The following PAK1 variants were observed in gnomAD, a reference collection of about 807,000 sequenced individuals.
PAK1 encodes p21 (RAC1) activated kinase 1, also known as serine/threonine-protein kinase PAK 1.
A neutral mutation model predicts 67.4 loss-of-function variants in PAK1; 29 were observed. The observed-to-expected ratio is 0.43, with a 90% CI of 0.32 to 0.59. PAK1 has a LOEUF of 0.59. Among genes scored for constraint, PAK1 ranks in the 20% least tolerant of loss-of-function variants. The probability of loss-of-function intolerance (pLI) is 0.07; values close to 1 mark genes in which losing one functional copy is unlikely to be tolerated. For synonymous variants in PAK1, 223 were observed against 237.4 expected, an observed-to-expected ratio of 0.94 and a Z score of 0.56; for missense variants, 337 against 670.7, an observed-to-expected ratio of 0.50 and a Z score of 5.50.
At chr11:77,440,700 T>C (rs1415798595) in intron 1 of PAK1, among the ~76,000 whole-genome samples, 1 of 152,212 alleles carries the variant, frequency 6.6e-6, no homozygotes, top group Admixed American at 6.5e-5. Context: ...AGGGAAAAGA[T>C]GATTAGAGAT....
intron 4 of PAK1, among the ~76,000 whole-genome samples, chr11:77,376,478 C>T (rs1949101027): frequency 6.6e-6 from 1 of 152,156 alleles, no homozygotes; most frequent in African/African-American, 2.4e-5. Flanking sequence ...ATGGCTCACG[C>T]CTGTAATCCC....
chr11:77,416,023 G>GGAGT (rs1954932884), intron 1 of PAK1, among the ~76,000 whole-genome samples: 1 of 142,922 alleles, frequency 7.0e-6, no homozygotes, highest in Non-Finnish European at 1.5e-5. Flanking sequence ...CCGTCACCCA[G>GGAGT]GCAGGAGTGC....
At chr11:77,363,457 A>C (rs1227788500) in intron 5 of PAK1, among the ~76,000 whole-genome samples, 1 of 152,226 alleles carries the variant, frequency 6.6e-6, no homozygotes, top group African/African-American at 2.4e-5. Flanking sequence ...CATGAGAAGC[A>C]GTATGATAAA....
At chr11:77,400,434 C>T (rs1592266801) in intron 1 of PAK1, among the ~76,000 whole-genome samples, 1 of 152,078 alleles carries the variant, frequency 6.6e-6, no homozygotes, top group Non-Finnish European at 1.5e-5. Flanking sequence ...AATTAAAAAA[C>T]AAGGTTGTGG....
At chr11:77,395,756 T>A (rs1253645368) in intron 1 of PAK1, among the ~76,000 whole-genome samples, 3 of 152,210 alleles carry the variant, frequency 2.0e-5, no homozygotes, top group Non-Finnish European at 4.4e-5. Flanking sequence ...AACTGCTCCT[T>A]CTCTTTTTGA....
the PAK1 span, among the ~76,000 whole-genome samples, chr11:77,506,298 G>A: frequency 1.3e-5 from 2 of 152,158 alleles, no homozygotes; most frequent in African/African-American, 4.8e-5. Flanking sequence ...ACGACATGAG[G>A]TTGGAGCTGT....
At position 77,353,536 on chromosome 11, in the gene PAK1, C is replaced by G; in HGVS notation, c.836G>C (p.Gly279Ala). ...AGGGAAAGAAAATGCCCCTACTAAC[C>G]CTTGTCCAATCTTCTCAAACCGTGT... ...KYTRFEKIGQ[G>A]ASGTVYTAMD... The change falls in exon 8 of 15, where the codon GGT (glycine) becomes GCT (alanine). Residue 279 changes from glycine to alanine, a missense_variant and splice_region_variant. Physicochemically the swap from Gly to Ala is moderately conservative, Grantham distance 60 (BLOSUM62 0). Around this residue, in one of 8 missense-constraint regions of PAK1, gnomAD observed 150 missense variants for 179.0 expected, o/e 0.84. Transcript: ENST00000356341. 1 of 1,602,202 alleles carries G rather than the reference C, an allele frequency of 6.2e-7. No individual in the cohort carries two copies. Among genetic ancestry groups the G allele is most frequent in the African/African-American group, 1.3e-5 (1 of 74,812 alleles).
upstream of PAK1, chr11:77,475,174 C>T (rs991841179): frequency 6.6e-6 from 1 of 152,148 alleles, no homozygotes; most frequent in African/African-American, 2.4e-5. Context: ...GCCACCCATT[C>T]AACAATCCCC....
intron 1 of PAK1, among the ~76,000 whole-genome samples, chr11:77,403,981 T>C (rs1315515324): frequency 6.6e-6 from 1 of 151,954 alleles, no homozygotes; most frequent in African/African-American, 2.4e-5. Flanking sequence ...AAAGGATGAG[T>C]TCACCCCCAC....
intron 6 of PAK1, among the ~76,000 whole-genome samples, chr11:77,357,364 A>G (rs1946173919): frequency 6.6e-6 from 1 of 152,240 alleles, no homozygotes; most frequent in African/African-American, 2.4e-5. Flanking sequence ...ATCAGAGGCA[A>G]TGGCTTCCTT....
chr11:77,325,440 C>T (rs1334816497), intron 14 of PAK1: 9 of 1,530,302 alleles, frequency 5.9e-6, no homozygotes, highest in Non-Finnish European at 7.1e-6. Flanking sequence ...ATATAAAGTG[C>T]TTAGTGCCTA....
chr11:77,326,150 T>C (rs1236557230), intron 14 of PAK1, among the ~76,000 whole-genome samples: 1 of 152,186 alleles, frequency 6.6e-6, no homozygotes, highest in African/African-American at 2.4e-5. Context: ...TTATAAGAAA[T>C]TGTACTTGAA....
the PAK1 span, among the ~76,000 whole-genome samples, chr11:77,486,954 G>A: frequency 1.1e-4 from 16 of 152,334 alleles, no homozygotes; most frequent in African/African-American, 3.8e-4. Flanking sequence ...GTGACCTAGT[G>A]AGACACTGGC....
chr11:77,478,824 C>A (rs1356002604), upstream of PAK1, among the ~76,000 whole-genome samples: 1 of 151,420 alleles, frequency 6.6e-6, no homozygotes, highest in Non-Finnish European at 1.5e-5. Context: ...TGCCTGTAAT[C>A]CCAACACTTT....
intron 1 of PAK1, among the ~76,000 whole-genome samples, chr11:77,419,074 GTCTC>G (rs1171374034): frequency 6.6e-6 from 1 of 152,184 alleles, no homozygotes; most frequent in Non-Finnish European, 1.5e-5. Context: ...CTAATACACT[GTCTC>G]TCTCTTTCAA....
the PAK1 span, among the ~76,000 whole-genome samples, chr11:77,529,712 T>A: frequency 1.3e-5 from 2 of 151,902 alleles, no homozygotes; most frequent in African/African-American, 4.8e-5. Flanking sequence ...AAGGAGAAGA[T>A]GTTTAGCAGA....
chr11:77,419,722 A>G (rs1565689897), intron 1 of PAK1, among the ~76,000 whole-genome samples: 1 of 152,250 alleles, frequency 6.6e-6, no homozygotes, highest in Non-Finnish European at 1.5e-5. Context: ...TGACACAACC[A>G]GTTAAATGTA....
chr11:77,370,440 TAAG>T (rs1032429203), intron 5 of PAK1, among the ~76,000 whole-genome samples: 16 of 152,214 alleles, frequency 1.1e-4, no homozygotes, highest in Non-Finnish European at 1.6e-4. Flanking sequence ...TTGTTCACTG[TAAG>T]GAGGAGGCTG....
At position 77,381,138 on chromosome 11, in the gene PAK1, A is replaced by AGTGTGT. The variant is rs34083265; in HGVS notation, c.191-1150_191-1145dup. 2.0e-3 allele frequency among the ~76,000 whole-genome samples: 288 copies of AGTGTGT among 144,458 alleles called. 2 individuals are homozygous for AGTGTGT. The highest frequency in any genetic ancestry group is 5.8e-3 in the African/African-American group (228 of 39,128). The allele number at this position is 144,458 out of a possible 152,430, so 94.8% of individuals were successfully genotyped here. The stretch of plus-strand genomic sequence containing the variant: ...CAGTTTCACCTCTACCTCACCACAG[A>AGTGTGT]GTGTGTGTGTGTGTGTGTGTGTGTG... On this transcript the variant is annotated intron_variant, in intron 2 of 14. Transcript: ENST00000356341.
Sources: gnomAD v4.1 joint callset for allele counts (sites outside exome capture counted in the v4.1 genomes callset) on GRCh38, gnomAD v4.1.1 for gene constraint, gnomAD v4.1.1 regional missense constraint, MANE v1.5 for transcripts, NCBI Gene and HGNC (gene_info 2026-07-23, HGNC 2026-07-21) for gene names.